ZNF211: variants seen among roughly 807,000 people sequenced by gnomAD.
The protein encoded by ZNF211 is zinc finger protein C2H2-25.
Under a neutral mutation model 12.1 loss-of-function variants are expected in ZNF211, and 18 were observed. The ratio of observed to expected loss-of-function variants is 1.48; its 90% CI spans 1.03 to 2.20. The LOEUF (loss-of-function observed/expected upper bound fraction) is 2.20, where lower values mean the gene tolerates loss of function less well. Ranked by LOEUF, ZNF211 falls within the 30% of genes most tolerant of loss-of-function variation. ZNF211 has a pLI of 0.00. For synonymous variants in ZNF211, 249 were observed against 246.0 expected (o/e 1.01, Z -0.11); for missense variants, 677 against 703.1 (o/e 0.96, Z 0.42).
In ZNF211 at chr19:57,642,800, GGT is replaced by G. The variant is rs1983143801; in HGVS notation, c.*621_*622del. On this transcript the variant is annotated 3_prime_UTR_variant, in exon 4 of 4. Coordinates refer to ENST00000240731, the MANE Select transcript of ZNF211 (RefSeq NM_006385.5). Reference sequence around the variant, plus strand: ...TCTTGGCATTTGATTCACTCTTTGAGGTGGTTCAAAAACAGAATCGGGCCCTG... The same window carrying G: ...TCTTGGCATTTGATTCACTCTTTGAGGGTTCAAAAACAGAATCGGGCCCTG... The G allele has an allele frequency of 6.6e-6, 1 of 152,458 alleles. No homozygotes were observed. The highest frequency in any genetic ancestry group is 2.1e-4 in the South Asian group (1 of 4,834). 9.4% of individuals were successfully genotyped at this position (152,458 alleles called of 1,614,324 possible). A position where few individuals can be genotyped will look rare whatever the true frequency, so the allele number is the denominator to read the frequency against.
At chr19:57,637,310 A>G (rs1468944512) in intron 3 of ZNF211, among the ~76,000 whole-genome samples, 1 of 149,228 alleles carries the variant, frequency 6.7e-6, no homozygotes, top group East Asian at 2.0e-4. Context: ...TTTTTTGCAT[A>G]TGGATTTTAT....
rs1983082994 is a variant in ZNF211 at position 57,642,287 on chromosome 19, C to A, written c.*106C>A. The A allele has an allele frequency of 7.8e-7, 1 of 1,275,166 alleles. No individual in the cohort carries two copies. 79.0% of individuals were successfully genotyped at this position (1,275,166 alleles called of 1,614,324 possible). A position where few individuals can be genotyped will look rare whatever the true frequency, so the allele number is the denominator to read the frequency against. On this transcript the variant is annotated 3_prime_UTR_variant, in exon 4 of 4. Coordinates refer to ENST00000240731, the MANE Select transcript of ZNF211 (RefSeq NM_006385.5). The stretch of plus-strand genomic sequence containing the variant: ...GGAAGCCCCAACATCTAAGGATATA[C>A]AGTGGGCGGATTCCCCTTAAGTTCC...
chr19:57,641,640 T>C lies in ZNF211; in HGVS notation c.1193T>C (p.Ile398Thr). 2 of 1,613,208 alleles carry C rather than the reference T, an allele frequency of 1.2e-6. No individual in the cohort carries two copies. The highest frequency in any genetic ancestry group is 1.7e-6 in the Non-Finnish European group (2 of 1,179,482). ...TCTTTTAGCCAAAACTTTAGCCTGATCTACCACCAGAGAGTTCACACTGGA... is the reference window on the plus strand; with the variant it reads ...TCTTTTAGCCAAAACTTTAGCCTGACCTACCACCAGAGAGTTCACACTGGA... Reference protein sequence around the residue: ...GKSFSQNFSLIYHQRVHTGER... With the variant: ...GKSFSQNFSLTYHQRVHTGER... Residue 398 changes from isoleucine (I) to threonine (T), a missense_variant, in exon 4 of 4, where the codon ATC (isoleucine) becomes ACC (threonine). Physicochemically the swap from Ile to Thr is moderately conservative, Grantham distance 89. Transcript: ENST00000240731.
intron 3 of ZNF211, among the ~76,000 whole-genome samples, chr19:57,635,120 CAG>C (rs1199420800): frequency 6.6e-6 from 1 of 152,200 alleles, no homozygotes; most frequent in Non-Finnish European, 1.5e-5. Context: ...ACTATTTACA[CAG>C]ACTGTTCTTC....
Position 57,643,501 on chromosome 19 carries a change from C to T in ZNF211, c.*1320C>T, listed in dbSNP as rs980370908. Among the ~76,000 whole-genome samples, 6 of 152,162 alleles carry T rather than the reference C, an allele frequency of 3.9e-5. No homozygotes were observed. The highest frequency in any genetic ancestry group is 1.3e-4 in the Admixed American group (2 of 15,274). ...GGAAAACAAGCATAGAAAGAAGGGG[C>T]GGGGGATGTCCTTCCAGGAATGTGA... On this transcript the variant is annotated 3_prime_UTR_variant, in exon 4 of 4. Coordinates refer to ENST00000240731, the MANE Select transcript of ZNF211 (RefSeq NM_006385.5).
At position 57,640,450 on chromosome 19, in the gene ZNF211, AT is replaced by A. The variant is rs563574082; in HGVS notation, c.257-252del. Among the ~76,000 whole-genome samples, 36 of 152,318 alleles carry A rather than the reference AT, an allele frequency of 2.4e-4. 1 individual carries two copies. In the South Asian group the frequency reaches 6.8e-3, roughly 29 times the overall value. On this transcript the variant is annotated intron_variant, in intron 3 of 3. Coordinates refer to ENST00000240731, the MANE Select transcript of ZNF211 (RefSeq NM_006385.5). ...CTAAAAGCTATTATCAGAAGAATTA[AT>A]TGTATAACATGCCTCTTAGTCCTGG...
In ZNF211 at chr19:57,643,370, T is replaced by G. The variant is rs1983189251; in HGVS notation, c.*1189T>G. 1.3e-5 allele frequency among the ~76,000 whole-genome samples: 2 copies of G among 152,174 alleles called. No individual in the cohort carries two copies. The highest frequency in any genetic ancestry group is 4.8e-5 in the African/African-American group (2 of 41,416). On this transcript the variant is annotated 3_prime_UTR_variant, in exon 4 of 4. Coordinates refer to ENST00000240731, the MANE Select transcript of ZNF211 (RefSeq NM_006385.5). ...TTAGAATTTCCAGGCATGTGTATTT[T>G]TTGTAGCTGAGGTGACTGTCAAAAA...
At chr19:57,639,755 A>G (rs4801507) in intron 3 of ZNF211, among the ~76,000 whole-genome samples, 27,484 of 151,886 alleles carry the variant, frequency 0.18, 2,654 homozygotes, top group East Asian at 0.32. Flanking sequence ...CTCTTTTTTT[A>G]AAATAGTTAC....
rs543017455 is a variant in ZNF211, at chr19:57,642,996, C to T, written c.*815C>T. Among the ~76,000 whole-genome samples, 4 of 152,184 alleles carry T rather than the reference C, an allele frequency of 2.6e-5. No individual in the cohort carries two copies. The highest frequency in any genetic ancestry group is 2.1e-4 in the South Asian group (1 of 4,814). Reference sequence around the variant, plus strand: ...ACTGCAGGATATTATGGTCTTAATTCGTGGACTGGATGCAAGGATTTTTTG... The same window carrying T: ...ACTGCAGGATATTATGGTCTTAATTTGTGGACTGGATGCAAGGATTTTTTG... On this transcript the variant is annotated 3_prime_UTR_variant, in exon 4 of 4. Coordinates refer to ENST00000240731, the MANE Select transcript of ZNF211 (RefSeq NM_006385.5).
At chr19:57,634,529 T>C (rs575866719) in intron 2 of ZNF211, 100 bp from the exon 3 acceptor site, 3 of 1,395,392 alleles carry the variant, frequency 2.1e-6, no homozygotes, top group East Asian at 2.6e-5. Context: ...CTGGTGTCTC[T>C]TCTGACTTGG....
rs183302407 is a variant in ZNF211, at chr19:57,636,348, A to G, written c.256+1593A>G. Among the ~76,000 whole-genome samples the G allele has an allele frequency of 1.0e-2, 1,521 of 152,286 alleles. 14 individuals are homozygous for G. Among genetic ancestry groups the G allele is most frequent in the Middle Eastern group, 0.021 (6 of 292 alleles). ...GTCATGAAGCTTTTTCCTTGCTTTA[A>G]GACTTCTATAGTTTTAGTACTTACA... is the stretch of plus-strand genomic sequence containing the variant. On this transcript the variant is annotated intron_variant, in intron 3 of 3. Coordinates refer to ENST00000240731, the MANE Select transcript of ZNF211 (RefSeq NM_006385.5).
chr19:57,636,853 C>G (rs1282427856), intron 3 of ZNF211, among the ~76,000 whole-genome samples: 2 of 152,098 alleles, frequency 1.3e-5, no homozygotes, highest in Non-Finnish European at 2.9e-5. Context: ...GGCATGTGAT[C>G]TATTTTATTA....
chr19:57,639,393 C>T (rs1599964588), intron 3 of ZNF211, among the ~76,000 whole-genome samples: 8 of 24,894 alleles, frequency 3.2e-4, no homozygotes, highest in Admixed American at 4.3e-4. Context: ...CTTCCCTTGT[C>T]ATTTCCTTTA....
chr19:57,641,119 G>A lies in ZNF211; in HGVS notation c.672G>A (p.Lys224=). 6.2e-7 allele frequency: 1 copy of A among 1,614,192 alleles called. No homozygotes were observed. The highest frequency in any genetic ancestry group is 8.5e-7 in the Non-Finnish European group (1 of 1,180,032). ...AAGACGCCACTCAAACAGGGGAGAA[G>A]CCAAATAACAGTAACAAGTGTGCGG... ...LHQDATQTGE[K]PNNSNKCAVA... Residue 224 remains lysine, a synonymous_variant, in exon 4 of 4, where the codon AAG becomes AAA. Coordinates refer to ENST00000240731, the MANE Select transcript of ZNF211 (RefSeq NM_006385.5).
Position 57,641,139 on chromosome 19 carries a change from G to T in ZNF211, c.692G>T (p.Cys231Phe). 6.2e-7 allele frequency: 1 copy of T among 1,614,200 alleles called. No homozygotes were observed. The highest frequency in any genetic ancestry group is 8.5e-7 in the Non-Finnish European group (1 of 1,180,034). Reference protein sequence around the residue: ...TGEKPNNSNKCAVAFYSGKSH... With the variant: ...TGEKPNNSNKFAVAFYSGKSH... ...GAGAAGCCAAATAACAGTAACAAGT[G>T]TGCGGTGGCCTTTTACAGTGGAAAA... is the stretch of plus-strand genomic sequence containing the variant. The change falls in exon 4 of 4, where the codon TGT (cysteine) becomes TTT (phenylalanine). Residue 231 changes from cysteine (C) to phenylalanine (F), a missense_variant. Physicochemically the swap from Cys to Phe is radical, Grantham distance 205. Coordinates refer to ENST00000240731, the MANE Select transcript of ZNF211 (RefSeq NM_006385.5).
chr19:57,633,551 G>T lies in ZNF211; in HGVS notation c.90+115G>T. 4 of 1,496,452 alleles carry T rather than the reference G, an allele frequency of 2.7e-6. No individual in the cohort carries two copies. In the Admixed American group the frequency reaches 8.9e-5, roughly 33 times the overall value. The allele number at this position is 1,496,452 out of a possible 1,614,324, so 92.7% of individuals were successfully genotyped here. ...GGGGACACTGAGGCTCGTGGGTGGG[G>T]CCCCTATTTCTGACATCCGATGTGG... On this transcript the variant is annotated intron_variant, in intron 1 of 3. Transcript: ENST00000240731.
Position 57,642,577 on chromosome 19 carries a change from C to G in ZNF211, c.*396C>G, listed in dbSNP as rs969824194. 1.2e-5 allele frequency: 2 copies of G among 168,830 alleles called. No homozygotes were observed. Among genetic ancestry groups the G allele is most frequent in the Admixed American group, 1.1e-4 (2 of 17,764 alleles). 10.5% of individuals were successfully genotyped at this position (168,830 alleles called of 1,614,324 possible). ...GACAAGTTAGGGCATGGACTTGACC[C>G]AGCTTTGTGCCAGAGAACCCAATAT... On this transcript the variant is annotated 3_prime_UTR_variant, in exon 4 of 4. Transcript: ENST00000240731.
rs1789132478 is a variant in ZNF211, at chr19:57,643,591, TTG to T, written c.*1411_*1412del. On this transcript the variant is annotated 3_prime_UTR_variant, in exon 4 of 4. Transcript: ENST00000240731. ...AATCAGTTTCATTGATTACCAGTAT[TTG>T]CTGCCCACTGAGGCAAGGTGTCCCT... is the stretch of plus-strand genomic sequence containing the variant. 6.6e-6 allele frequency among the ~76,000 whole-genome samples: 1 copy of T among 152,168 alleles called. No homozygotes were observed. Among genetic ancestry groups the T allele is most frequent in the Admixed American group, 6.5e-5 (1 of 15,276 alleles).
chr19:57,639,961 A>G lies in ZNF211; in HGVS notation c.257-743A>G, dbSNP rs774785804. On this transcript the variant is annotated intron_variant, in intron 3 of 3. Transcript: ENST00000240731. ...TAGTTGCTCAACTAGGGCTAGGGGA[A>G]GTGCCCTCTGTTCTTCACAGGATGT... The G allele has an allele frequency of 3.3e-6, 5 of 1,521,700 alleles. No individual in the cohort carries two copies. In the African/African-American group the frequency reaches 6.9e-5, roughly 21 times the overall value. The allele number at this position is 1,521,700 out of a possible 1,614,324, so 94.3% of individuals were successfully genotyped here. A position where few individuals can be genotyped will look rare whatever the true frequency, so the allele number is the denominator to read the frequency against.
Sources: allele counts gnomAD v4.1 joint callset (sites outside exome capture counted in the v4.1 genomes callset), GRCh38; gene constraint gnomAD v4.1.1; transcripts MANE v1.5; gene names NCBI Gene and HGNC (gene_info 2026-07-23, HGNC 2026-07-21).